The following SORCS2 variants were observed in gnomAD, a reference collection of about 807,000 sequenced individuals.
The protein encoded by SORCS2 is VPS10 domain-containing receptor SorCS2.
SORCS2 carries 100 observed loss-of-function variants against 141.6 expected under a neutral mutation model. The observed-to-expected ratio is 0.71, with a 90% CI of 0.60 to 0.83. SORCS2 has a LOEUF of 0.83. Ranked by LOEUF, SORCS2 falls within the 40% of genes least tolerant of loss-of-function variation. The probability of loss-of-function intolerance (pLI) is 0.00; values close to 1 mark genes in which losing one functional copy is unlikely to be tolerated. For missense variants in SORCS2, 1,646 were observed against 1,560.2 expected, an observed-to-expected ratio of 1.05 and a Z score of -0.93; for synonymous variants, 789 against 676.9, an observed-to-expected ratio of 1.17 and a Z score of -2.57.
At chr4:7,198,424 G>A (rs1015255647) in intron 1 of SORCS2, among the ~76,000 whole-genome samples, 3 of 152,346 alleles carry the variant, frequency 2.0e-5, no homozygotes, top group African/African-American at 2.4e-5. Context: ...TTGGGGTTTT[G>A]TATTTAAGTA....
intron 4 of SORCS2, among the ~76,000 whole-genome samples, chr4:7,646,352 TC>T (rs1721078368): frequency 1.3e-5 from 2 of 152,172 alleles, no homozygotes; most frequent in Admixed American, 1.3e-4. Flanking sequence ...CCCCCAAAAT[TC>T]CTATGTTGAA....
At position 7,420,020 on chromosome 4, in the gene SORCS2, G is replaced by A. The variant is rs564817507; in HGVS notation, c.548+23665G>A. The stretch of plus-strand genomic sequence containing the variant: ...GCACACTCCTCTCCCGCTAACCAGG[G>A]CCTAAGAGTCCTCCAGTCTAGCAGG... On this transcript the variant is annotated intron_variant, in intron 2 of 26. Coordinates refer to ENST00000507866, the MANE Select transcript of SORCS2 (RefSeq NM_020777.3). Among the ~76,000 whole-genome samples, 3 of 152,316 alleles carry A rather than the reference G, an allele frequency of 2.0e-5. No homozygotes were observed. In the South Asian group the frequency reaches 6.2e-4, roughly 32 times the overall value.
chr4:7,436,949 G>A (rs1198899018), intron 2 of SORCS2, among the ~76,000 whole-genome samples: 3 of 152,148 alleles, frequency 2.0e-5, no homozygotes, highest in Non-Finnish European at 4.4e-5. Flanking sequence ...AAGTGGTTGT[G>A]CCCGTTCCCA....
chr4:7,632,703 T>A (rs1719972728), intron 3 of SORCS2, among the ~76,000 whole-genome samples: 1 of 152,156 alleles, frequency 6.6e-6, no homozygotes, highest in South Asian at 2.1e-4. Context: ...CCCGGCTGTG[T>A]GTGAATAACA....
chr4:7,403,997 A>ATTT lies in SORCS2; in HGVS notation c.548+7656_548+7658dup, dbSNP rs60403055. On this transcript the variant is annotated intron_variant, in intron 2 of 26. Coordinates refer to ENST00000507866, the MANE Select transcript of SORCS2 (RefSeq NM_020777.3). The stretch of plus-strand genomic sequence containing the variant: ...TATATATATATATATATATATATAT[A>ATTT]TTTTTTTTTTTTTTTTAGTATCCAT... Among the ~76,000 whole-genome samples, 139 of 18,828 alleles carry ATTT rather than the reference A, an allele frequency of 7.4e-3. 2 individuals carry two copies. Among genetic ancestry groups the ATTT allele is most frequent in the East Asian group, 0.03 (24 of 790 alleles). 12.4% of individuals were successfully genotyped at this position (18,828 alleles called of 152,430 possible).
At chr4:7,736,329 CCT>C (rs1370003016) in intron 25 of SORCS2, among the ~76,000 whole-genome samples, 2 of 152,230 alleles carry the variant, frequency 1.3e-5, no homozygotes, top group Admixed American at 6.5e-5. Flanking sequence ...TACTGGCCAC[CCT>C]CTGTCACCCT....
chr4:7,235,791 G>T (rs1304129434), intron 1 of SORCS2, among the ~76,000 whole-genome samples: 2 of 152,220 alleles, frequency 1.3e-5, no homozygotes, highest in Non-Finnish European at 2.9e-5. Flanking sequence ...GCAGGCGAGT[G>T]CTGGTTCCGT....
At chr4:7,574,432 C>T (rs1490785973) in intron 3 of SORCS2, among the ~76,000 whole-genome samples, 1 of 152,224 alleles carries the variant, frequency 6.6e-6, no homozygotes, top group East Asian at 1.9e-4. Flanking sequence ...ATGACGTGTT[C>T]TTCCAGCTCT....
intron 4 of SORCS2, among the ~76,000 whole-genome samples, chr4:7,649,080 G>T (rs1320636156): frequency 6.6e-6 from 1 of 152,194 alleles, no homozygotes; most frequent in African/African-American, 2.4e-5. Flanking sequence ...CACAGACAGG[G>T]CTCTAACCCT....
chr4:7,220,503 G>A (rs1728640341), intron 1 of SORCS2, among the ~76,000 whole-genome samples: 2 of 152,114 alleles, frequency 1.3e-5, no homozygotes, highest in African/African-American at 4.8e-5. Context: ...GCCAAGCAGG[G>A]CCAGATGGAG....
intron 14 of SORCS2, among the ~76,000 whole-genome samples, chr4:7,706,350 C>CATCTGGGCAGGGATGAGGCTGGGCTCT: frequency 4.1e-5 from 1 of 24,656 alleles, no homozygotes; most frequent in Admixed American, 4.3e-4. Context: ...GGCTGGGCTC[C>CATCTGGGCAGGGATGAGGCTGGGCTCT]GTCTGGGCAG....
intron 1 of SORCS2, among the ~76,000 whole-genome samples, chr4:7,322,496 T>C (rs1220967510): frequency 2.0e-5 from 3 of 152,132 alleles, no homozygotes; most frequent in Non-Finnish European, 2.9e-5. Context: ...TCATCTCCGC[T>C]CTACCAGGGG....
Position 7,568,524 on chromosome 4 carries a change from A to G in SORCS2, c.648+36895A>G, listed in dbSNP as rs553213871. 1.1e-4 allele frequency among the ~76,000 whole-genome samples: 16 copies of G among 152,282 alleles called. No homozygotes were observed. The South Asian group carries it at 2.7e-3, about 26-fold the overall frequency. On this transcript the variant is annotated intron_variant, in intron 3 of 26. Coordinates refer to ENST00000507866, the MANE Select transcript of SORCS2 (RefSeq NM_020777.3). ...AGTTAGATGCTTCCATCCTCATTTC[A>G]TGTTCCACATTGATTTTCCTTTTTA...
At chr4:7,350,329 C>T (rs550151762) in intron 1 of SORCS2, among the ~76,000 whole-genome samples, 17 of 152,350 alleles carry the variant, frequency 1.1e-4, no homozygotes, top group South Asian at 6.2e-4. Context: ...TCAGTTCAGT[C>T]AGGCCACCTC....
chr4:7,606,327 G>A (rs1232167221), intron 3 of SORCS2, among the ~76,000 whole-genome samples: 1 of 152,146 alleles, frequency 6.6e-6, no homozygotes, highest in Non-Finnish European at 1.5e-5. Context: ...AAACCCATTT[G>A]ACTGTGGATT....
chr4:7,537,893 G>A (rs919447437), intron 3 of SORCS2, among the ~76,000 whole-genome samples: 22 of 152,094 alleles, frequency 1.4e-4, no homozygotes, highest in African/African-American at 5.3e-4. Flanking sequence ...GGCTGAGGTG[G>A]GAAGATGGAT....
At chr4:7,739,659 G>T (rs551174166) in intron 26 of SORCS2, among the ~76,000 whole-genome samples, 86 of 152,264 alleles carry the variant, frequency 5.6e-4, no homozygotes, top group African/African-American at 2.0e-3. Context: ...TGTGCCGCGG[G>T]TGCTCCCAGC....
At chr4:7,613,443 C>T (rs940016699) in intron 3 of SORCS2, among the ~76,000 whole-genome samples, 4 of 152,158 alleles carry the variant, frequency 2.6e-5, no homozygotes, top group Admixed American at 1.3e-4. Flanking sequence ...AGGCCTGGGC[C>T]GCCCTCCACC....
intron 3 of SORCS2, among the ~76,000 whole-genome samples, chr4:7,630,527 A>T (rs935958732): frequency 6.6e-6 from 1 of 152,086 alleles, no homozygotes; most frequent in African/African-American, 2.4e-5. Context: ...GTATCCTGGG[A>T]CCTCTACAGC....
Sources: allele counts gnomAD v4.1 joint callset (sites outside exome capture counted in the v4.1 genomes callset), GRCh38; gene constraint gnomAD v4.1.1; transcripts MANE v1.5; gene names NCBI Gene and HGNC (gene_info 2026-07-23, HGNC 2026-07-21).